The following ZNF212 variants were observed in gnomAD, a reference collection of about 807,000 sequenced individuals.
ZNF212 encodes the protein Zinc finger protein C2H2-150.
ZNF212 carries 32 observed loss-of-function variants against 47.3 expected under a neutral mutation model. That is an observed-to-expected ratio of 0.68 (90% CI 0.51 to 0.91). The LOEUF (loss-of-function observed/expected upper bound fraction) is 0.91. Among genes scored for constraint, ZNF212 ranks in the 40% least tolerant of loss-of-function variants. The pLI, the probability that ZNF212 is intolerant of heterozygous loss-of-function variation, is 0.00. For missense variants in ZNF212, 555 were observed against 622.8 expected (o/e 0.89, Z 1.16); for synonymous variants, 242 against 253.8 (o/e 0.95, Z 0.44).
At position 149,254,810 on chromosome 7, in the gene ZNF212, A is replaced by G. The variant is rs948198810; in HGVS notation, c.*395A>G. 12 of 196,112 alleles carry G rather than the reference A, an allele frequency of 6.1e-5. No homozygotes were observed. The highest frequency in any genetic ancestry group is 2.6e-4 in the African/African-American group (11 of 42,924). The allele number at this position is 196,112 out of a possible 1,614,324, so 12.1% of individuals were successfully genotyped here. A position where few individuals can be genotyped will look rare whatever the true frequency, so the allele number is the denominator to read the frequency against. The stretch of plus-strand genomic sequence containing the variant: ...GCTGCCTGGAAGAGTTCTGGGAAGT[A>G]TAACCCTCCATTTTTTCTTGTTTTA... On this transcript the variant is annotated 3_prime_UTR_variant, in exon 5 of 5. Coordinates refer to ENST00000335870, the MANE Select transcript of ZNF212 (RefSeq NM_012256.4). The surrounding 1 kb of genome is among the most constrained non-coding windows in gnomAD (Gnocchi z 4.5).
intron 1 of ZNF212, among the ~76,000 whole-genome samples, chr7:149,247,058 C>T (rs1474367773): frequency 6.0e-5 from 9 of 150,442 alleles, no homozygotes; most frequent in South Asian, 2.1e-4. Flanking sequence ...GTGATCCGCC[C>T]GCCTCGGCCT....
intron 1 of ZNF212, among the ~76,000 whole-genome samples, chr7:149,242,352 C>CA (rs200276596): frequency 0.048 from 6,392 of 133,796 alleles, 245 homozygotes; most frequent in African/African-American, 0.11. Context: ...TAAAAGCAAC[C>CA]AAAAAAAAAA....
At chr7:149,246,578 G>A (rs187916734) in intron 1 of ZNF212, among the ~76,000 whole-genome samples, 464 of 152,150 alleles carry the variant, frequency 3.0e-3, no homozygotes, top group Non-Finnish European at 4.4e-3. Flanking sequence ...AGTAGAGATG[G>A]GGTTTCACCA....
At chr7:149,241,556 G>A (rs965269551) in intron 1 of ZNF212, among the ~76,000 whole-genome samples, 4 of 151,986 alleles carry the variant, frequency 2.6e-5, no homozygotes, top group East Asian at 1.9e-4. Context: ...CATTTCAGGT[G>A]TCTGTCATTT....
In ZNF212 at chr7:149,252,754, T is replaced by C. The variant is rs79258601; in HGVS notation, c.590T>C (p.Leu197Pro). 1.6e-4 allele frequency: 254 copies of C among 1,614,130 alleles called. 1 individual carries two copies. In the African/African-American group the frequency reaches 2.9e-3, roughly 19 times the overall value. Residue 197 changes from leucine (L) to proline (P), a missense_variant, in exon 4 of 5, where the codon CTG becomes CCG. Coordinates refer to ENST00000335870, the MANE Select transcript of ZNF212 (RefSeq NM_012256.4). ...EGEAELGTEM[L>P]GDLEEEGPGG... The stretch of plus-strand genomic sequence containing the variant: ...GAAGCGGAGTTGGGTACAGAGATGC[T>C]GGGTGACTTGGAAGAGGAAGGTCCT...
rs78172657 is a variant in ZNF212 at position 149,252,393 on chromosome 7, T to A, written c.542-313T>A. 2.4e-3 allele frequency among the ~76,000 whole-genome samples: 373 copies of A among 152,288 alleles called. 1 individual carries two copies. The highest frequency in any genetic ancestry group is 4.2e-3 in the Non-Finnish European group (285 of 68,014). On this transcript the variant is annotated intron_variant, in intron 3 of 4. Transcript: ENST00000335870. ...CCTGAAAGGAAGCATTGGCAAGACTTAAGCTGCACGCACATGGAGAGGCAG... is the reference window on the plus strand; with the variant it reads ...CCTGAAAGGAAGCATTGGCAAGACTAAAGCTGCACGCACATGGAGAGGCAG...
intron 1 of ZNF212, among the ~76,000 whole-genome samples, chr7:149,243,285 T>C (rs7809590): frequency 0.55 from 83,526 of 151,420 alleles, 23,353 homozygotes; most frequent in African/African-American, 0.63. Context: ...CCCAGCTTCT[T>C]GGGAGGCTGA....
At chr7:149,245,705 C>A (rs953662745) in intron 1 of ZNF212, among the ~76,000 whole-genome samples, 3 of 152,166 alleles carry the variant, frequency 2.0e-5, no homozygotes, top group Non-Finnish European at 4.4e-5. Context: ...TGGGATTTCA[C>A]CATCTTGCCC....
intron 3 of ZNF212, 45 bp downstream of exon 3, chr7:149,250,852 C>G: frequency 6.2e-7 from 1 of 1,608,348 alleles, no homozygotes; most frequent in Non-Finnish European, 8.5e-7. Flanking sequence ...AGACATACTA[C>G]AATTCCTGGC....
At position 149,250,366 on chromosome 7, in the gene ZNF212, G is replaced by A; in HGVS notation, c.232G>A (p.Asp78Asn). 1 of 1,614,224 alleles carries A rather than the reference G, an allele frequency of 6.2e-7. No individual in the cohort carries two copies. The highest frequency in any genetic ancestry group is 8.5e-7 in the Non-Finnish European group (1 of 1,180,042). Residue 78 changes from aspartate (D) to asparagine (N), a missense_variant, in exon 2 of 5, where the codon GAC becomes AAC. Coordinates refer to ENST00000335870, the MANE Select transcript of ZNF212 (RefSeq NM_012256.4). ...GGGGACAGCCGAGAAGAAGCTGGCT[G>A]ACTGCGAGAAGATGGCCGTGGAGTT... ...RTGTAEKKLA[D>N]CEKMAVEFGN...
At chr7:149,242,574 T>C (rs1471751024) in intron 1 of ZNF212, among the ~76,000 whole-genome samples, 3 of 152,138 alleles carry the variant, frequency 2.0e-5, no homozygotes, top group African/African-American at 7.2e-5. Context: ...TTGCTACCAA[T>C]ACACTCTTAG....
At position 149,250,346 on chromosome 7, in the gene ZNF212, C is replaced by A. The variant is rs760653348; in HGVS notation, c.212C>A (p.Thr71Lys). Residue 71 changes from threonine (T) to lysine (K), a missense_variant, in exon 2 of 5, where the codon ACA (threonine) becomes AAA (lysine). Physicochemically the swap from Thr to Lys is moderately conservative, Grantham distance 78. Coordinates refer to ENST00000335870, the MANE Select transcript of ZNF212 (RefSeq NM_012256.4). ...RLQSLEGRTG[T>K]AEKKLADCEK... ...CAGAGCCTGGAGGGGCGCACGGGGA[C>A]AGCCGAGAAGAAGCTGGCTGACTGC... is the stretch of plus-strand genomic sequence containing the variant. 3 of 1,614,088 alleles carry A rather than the reference C, an allele frequency of 1.9e-6. No individual in the cohort carries two copies. The highest frequency in any genetic ancestry group is 1.7e-5 in the Admixed American group (1 of 60,012).
intron 1 of ZNF212, among the ~76,000 whole-genome samples, chr7:149,243,982 G>A (rs1796638627): frequency 6.6e-6 from 1 of 152,156 alleles, no homozygotes; most frequent in Non-Finnish European, 1.5e-5. Flanking sequence ...GGCTGGAGTA[G>A]AGTGGTGCAA....
rs34883587 is a variant in ZNF212 at position 149,242,021 on chromosome 7, C to CT, written c.24+2238dup. On this transcript the variant is annotated intron_variant, in intron 1 of 4. Transcript: ENST00000335870. Reference sequence around the variant, plus strand: ...TCTTTTCTTCTTTTTCTTTTCTTTTCTTTTTTTTTTTTTTTTTTTGAGAGA... The same window carrying CT: ...TCTTTTCTTCTTTTTCTTTTCTTTTCTTTTTTTTTTTTTTTTTTTTGAGAGA... Among the ~76,000 whole-genome samples the CT allele has an allele frequency of 9.5e-3, 1,153 of 121,280 alleles. 15 individuals are homozygous for CT. The highest frequency in any genetic ancestry group is 0.018 in the South Asian group (63 of 3,576). The allele number at this position is 121,280 out of a possible 152,430, so 79.6% of individuals were successfully genotyped here.
At position 149,253,779 on chromosome 7, in the gene ZNF212, T is replaced by C. The variant is rs1173024811; in HGVS notation, c.852T>C (p.Thr284=). The C allele has an allele frequency of 4.3e-6, 7 of 1,613,938 alleles. No homozygotes were observed. Among genetic ancestry groups the C allele is most frequent in the East Asian group, 2.2e-5 (1 of 44,902 alleles). ...GTAGAGTTCCTAGCAGCAGCAGAAC[T>C]GTGGGCTGCCCGAAGCAGAAATCTC... The part of the protein sequence containing the change: ...VGSRVPSSSR[T]VGCPKQKSHR... Residue 284 remains threonine (T), a synonymous_variant, in exon 5 of 5, where the codon ACT becomes ACC. Coordinates refer to ENST00000335870, the MANE Select transcript of ZNF212 (RefSeq NM_012256.4).
intron 1 of ZNF212, among the ~76,000 whole-genome samples, chr7:149,247,995 A>G (rs1333952826): frequency 6.6e-6 from 1 of 152,046 alleles, no homozygotes. Context: ...TAGAGATCAC[A>G]TGGTGACAGA....
At chr7:149,248,860 A>ACT (rs1796714036) in intron 1 of ZNF212, among the ~76,000 whole-genome samples, 3 of 152,206 alleles carry the variant, frequency 2.0e-5, no homozygotes, top group African/African-American at 7.2e-5. Context: ...TAACTAGAGT[A>ACT]GGTCATGGCC....
chr7:149,252,580 C>A, intron 3 of ZNF212, 126 bp from the exon 4 acceptor site: 1 of 838,936 alleles, frequency 1.2e-6, no homozygotes, highest in Non-Finnish European at 1.9e-6. Flanking sequence ...GGGAAACTGA[C>A]AAGAACAGTA....
intron 4 of ZNF212, 101 bp downstream of exon 4, chr7:149,252,896 A>C: frequency 4.1e-4 from 459 of 1,115,418 alleles, no homozygotes; most frequent in Non-Finnish European, 5.5e-4. Context: ...TGGTGACCTC[A>C]TCTGGCATCT....
Sources: gnomAD v4.1 joint callset for allele counts (sites outside exome capture counted in the v4.1 genomes callset) on GRCh38, gnomAD v4.1.1 for gene constraint, Gnocchi (gnomAD v3.1) non-coding constraint, MANE v1.5 for transcripts, NCBI Gene and HGNC (gene_info 2026-07-23, HGNC 2026-07-21) for gene names.